DST: variants seen among roughly 807,000 people sequenced by gnomAD.
The protein encoded by DST is bullous pemphigoid antigen.
DST carries 253 observed loss-of-function variants against 875.2 expected under a neutral mutation model. The ratio of observed to expected loss-of-function variants is 0.29; its 90% confidence interval spans 0.26 to 0.32. The LOEUF (loss-of-function observed/expected upper bound fraction) is 0.32, where lower values mean the gene tolerates loss of function less well. Ranked by LOEUF, DST falls within the 10% of genes least tolerant of loss-of-function variation. DST has a pLI of 1.00. For missense variants in DST, 8,287 were observed against 9,111.6 expected (o/e 0.91, Z 3.68); for synonymous variants, 3,124 against 3,197.1 (o/e 0.98, Z 0.77).
chr6:56,673,140 G>A lies in DST; in HGVS notation c.1048-2333C>T, dbSNP rs559734389. On this transcript the variant is annotated intron_variant, in intron 9 of 103. Transcript: ENST00000680361. ...AATAGCATGTGCCCATATAGTCCCA[G>A]CTACTAGCCGAGGCAGATCGCCTGA... 7.0e-4 allele frequency among the ~76,000 whole-genome samples: 107 copies of A among 152,174 alleles called. 1 individual carries two copies. In the South Asian group the frequency reaches 7.5e-3, roughly 11 times the overall value.
In DST at chr6:56,489,641, T is replaced by A. The variant is rs920347025; in HGVS notation, c.20758-32A>T. ...AGAAATTCACACCTTTGTCTGAAAATTTTTCAAGCATATTATACTTGAGAT... is the reference window on the plus strand; with the variant it reads ...AGAAATTCACACCTTTGTCTGAAAAATTTTCAAGCATATTATACTTGAGAT... On this transcript the variant is annotated intron_variant, in intron 85 of 103. Transcript: ENST00000680361. The A allele has an allele frequency of 3.8e-6, 6 of 1,592,660 alleles. No homozygotes were observed. In the African/African-American group the frequency reaches 6.8e-5, roughly 18 times the overall value.
At chr6:56,731,148 G>T (rs2099496405) in intron 5 of DST, among the ~76,000 whole-genome samples, 1 of 152,220 alleles carries the variant, frequency 6.6e-6, no homozygotes, top group East Asian at 1.9e-4. Context: ...AGCAGTGGTT[G>T]AAGGCCAGGC....
At chr6:56,521,050 G>A (rs1257889994) in intron 69 of DST, among the ~76,000 whole-genome samples, 2 of 152,020 alleles carry the variant, frequency 1.3e-5, no homozygotes, top group African/African-American at 4.8e-5. Context: ...AATTTCAAAT[G>A]AAGTTATTCA....
At chr6:56,800,678 T>C (rs191183544) in intron 4 of DST, among the ~76,000 whole-genome samples, 23 of 152,222 alleles carry the variant, frequency 1.5e-4, no homozygotes, top group African/African-American at 5.1e-4. Flanking sequence ...TACAATGCCA[T>C]GTATATAGCA....
intron 17 of DST, 104 bp downstream of exon 17, chr6:56,641,843 A>G: frequency 2.2e-6 from 2 of 923,826 alleles, no homozygotes; most frequent in Non-Finnish European, 3.1e-6. Context: ...AAAACAGCAA[A>G]GAAATATATT....
At position 56,459,033 on chromosome 6, in the gene DST, C is replaced by G. The variant is rs372672868; in HGVS notation, c.23429G>C (p.Ser7810Thr). Residue 7810 changes from serine (S) to threonine (T), a missense_variant, in exon 104 of 104, where the codon AGC becomes ACC. By Grantham distance (58) the Ser-to-Thr change is moderately conservative. This residue lies in a region of DST where 240 missense variants were observed against 237.3 expected (regional missense o/e 1.01). Coordinates refer to ENST00000680361, the MANE Select transcript of DST (RefSeq NM_001374736.1). The stretch of plus-strand genomic sequence containing the variant: ...TCTCTTTGAGGACTTGTCCAATTTG[C>G]TGGCAGGTGATTTCCTCTGGGGCGT... ...IPTPQRKSPA[S>T]KLDKSSKR 4 of 1,611,920 alleles carry G rather than the reference C, an allele frequency of 2.5e-6. No homozygotes were observed. The African/African-American group carries it at 4.0e-5, about 16-fold the overall frequency.
chr6:56,813,897 C>T (rs546900232), intron 4 of DST, among the ~76,000 whole-genome samples: 3 of 152,172 alleles, frequency 2.0e-5, no homozygotes, highest in East Asian at 1.9e-4. Context: ...GAGATTAAAA[C>T]TTTAATCATT....
At chr6:56,864,402 G>A (rs535192391) in intron 3 of DST, among the ~76,000 whole-genome samples, 1 of 152,092 alleles carries the variant, frequency 6.6e-6, no homozygotes, top group East Asian at 1.9e-4. Flanking sequence ...TAACACAATT[G>A]TCTACCATAT....
intron 4 of DST, among the ~76,000 whole-genome samples, chr6:56,739,526 T>C (rs1441855946): frequency 6.6e-6 from 1 of 152,100 alleles, no homozygotes; most frequent in African/African-American, 2.4e-5. Context: ...AGCAACTCCA[T>C]CTTGAATAGG....
At chr6:56,477,775 A>G (rs1454393064) in intron 90 of DST, among the ~76,000 whole-genome samples, 1 of 152,216 alleles carries the variant, frequency 6.6e-6, no homozygotes, top group Non-Finnish European at 1.5e-5. Flanking sequence ...AGTCCCTGAT[A>G]TAAAATGATG....
intron 3 of DST, among the ~76,000 whole-genome samples, chr6:56,858,571 A>C (rs1769249554): frequency 6.6e-6 from 1 of 152,204 alleles, no homozygotes; most frequent in African/African-American, 2.4e-5. Flanking sequence ...TATATGCCAC[A>C]TTCATTCATT....
chr6:56,634,647 A>T (rs748294139), intron 25 of DST, 31 bp from the exon 26 acceptor site: 1 of 1,613,568 alleles, frequency 6.2e-7, no homozygotes, highest in Non-Finnish European at 8.5e-7. Flanking sequence ...GAATAACTCA[A>T]TGAGGTCACT....
At chr6:56,617,470 A>AC in intron 36 of DST, 1 of 1,413,680 alleles carries the variant, frequency 7.1e-7, no homozygotes, top group East Asian at 2.3e-5. Context: ...ACATTATGTC[A>AC]CTTTATCCAT....
intron 9 of DST, among the ~76,000 whole-genome samples, chr6:56,691,075 T>C (rs2099225264): frequency 6.6e-6 from 1 of 152,156 alleles, no homozygotes; most frequent in African/African-American, 2.4e-5. Flanking sequence ...TCCACATATA[T>C]TTTCCATTGA....
chr6:56,622,817 C>A (rs920210319), intron 36 of DST, among the ~76,000 whole-genome samples: 5 of 152,238 alleles, frequency 3.3e-5, no homozygotes, highest in African/African-American at 1.2e-4. Flanking sequence ...TCTCTAATAT[C>A]TAATATCTAT....
At chr6:56,827,170 G>A (rs569866916) in intron 4 of DST, among the ~76,000 whole-genome samples, 10 of 152,276 alleles carry the variant, frequency 6.6e-5, no homozygotes, top group Admixed American at 3.3e-4. Context: ...TGCTGTTTAA[G>A]TAAAGGTTAG....
chr6:56,666,775 A>G (rs1588131300), intron 10 of DST, among the ~76,000 whole-genome samples: 1 of 147,954 alleles, frequency 6.8e-6, no homozygotes, highest in African/African-American at 2.5e-5. Flanking sequence ...TTGCTCTGTC[A>G]CCTACCCTGG....
intron 3 of DST, among the ~76,000 whole-genome samples, chr6:56,893,254 T>G (rs959364507): frequency 6.6e-6 from 1 of 152,206 alleles, no homozygotes; most frequent in Non-Finnish European, 1.5e-5. Flanking sequence ...ACATATGATG[T>G]TTGGTTTTCC....
At chr6:56,790,900 G>A (rs1277949392) in intron 4 of DST, among the ~76,000 whole-genome samples, 1 of 152,192 alleles carries the variant, frequency 6.6e-6, no homozygotes, top group East Asian at 1.9e-4. Flanking sequence ...ACAAGACCAA[G>A]ATACCTGGAT....
Sources: allele counts gnomAD v4.1 joint callset (sites outside exome capture counted in the v4.1 genomes callset), GRCh38; gene constraint gnomAD v4.1.1; regional missense constraint gnomAD v4.1.1; transcripts MANE v1.5; gene names NCBI Gene and HGNC (gene_info 2026-07-23, HGNC 2026-07-21).